PCDH15: variants seen among roughly 807,000 people sequenced by gnomAD.
PCDH15 encodes protocadherin related 15.
A neutral mutation model predicts 178.5 loss-of-function variants in PCDH15; 129 were observed. That is an observed-to-expected ratio of 0.72 (90% confidence interval 0.63 to 0.84). The LOEUF (loss-of-function observed/expected upper bound fraction) is 0.84, where lower values mean the gene tolerates loss of function less well. Among genes scored for constraint, PCDH15 ranks in the 40% least tolerant of loss-of-function variants. PCDH15 has a pLI of 0.00. For missense variants in PCDH15, 2,230 were observed against 2,099.9 expected, an observed-to-expected ratio of 1.06 and a Z score of -1.21; for synonymous variants, 800 against 732.0, an observed-to-expected ratio of 1.09 and a Z score of -1.50.
intron 1 of PCDH15, among the ~76,000 whole-genome samples, chr10:55,297,143 T>C (rs1375881573): frequency 6.6e-6 from 1 of 151,576 alleles, no homozygotes; most frequent in African/African-American, 2.4e-5. Context: ...AAAATAAGCA[T>C]TATAAATAAG....
intron 2 of PCDH15, among the ~76,000 whole-genome samples, chr10:54,567,783 T>A (rs1402917012): frequency 1.3e-5 from 2 of 152,150 alleles, no homozygotes; most frequent in Non-Finnish European, 2.9e-5. Flanking sequence ...TAGGTCAAGA[T>A]ATCCAAGTAA....
intron 1 of PCDH15, among the ~76,000 whole-genome samples, chr10:55,254,740 G>T (rs1249785933): frequency 6.6e-6 from 1 of 152,114 alleles, no homozygotes; most frequent in Non-Finnish European, 1.5e-5. Flanking sequence ...TCATAAATGG[G>T]GGAGGCTTTG....
At chr10:55,043,596 G>C (rs1243517454) in intron 2 of PCDH15, among the ~76,000 whole-genome samples, 2 of 151,810 alleles carry the variant, frequency 1.3e-5, no homozygotes, top group Non-Finnish European at 2.9e-5. Context: ...TGTAGTCCCA[G>C]CTACTCGGGA....
At chr10:54,149,286 G>T (rs992923004) in intron 14 of PCDH15, among the ~76,000 whole-genome samples, 1 of 151,960 alleles carries the variant, frequency 6.6e-6, no homozygotes, top group Non-Finnish European at 1.5e-5. Context: ...CTGTATTTTG[G>T]GGGCTTTCAA....
intron 13 of PCDH15, among the ~76,000 whole-genome samples, chr10:54,174,702 C>CTT (rs1169302544): frequency 0.16 from 13,259 of 83,518 alleles, 1,753 homozygotes; most frequent in African/African-American, 0.22. Context: ...TTTTTCTTTT[C>CTT]TTTTTTTTTT....
chr10:55,271,131 T>C (rs1303477694), intron 1 of PCDH15, among the ~76,000 whole-genome samples: 2 of 152,088 alleles, frequency 1.3e-5, no homozygotes, highest in South Asian at 2.1e-4. Context: ...TGGTCACTAA[T>C]AGAGAGGAAA....
At chr10:55,601,989 C>A (rs899734977) in intron 2 of PCDH15, among the ~76,000 whole-genome samples, 1 of 152,132 alleles carries the variant, frequency 6.6e-6, no homozygotes, top group African/African-American at 2.4e-5. Flanking sequence ...AGGTTCATCT[C>A]ACTAGGGAGT....
At chr10:55,422,960 C>T (rs1241187019) in intron 2 of PCDH15, among the ~76,000 whole-genome samples, 1 of 151,540 alleles carries the variant, frequency 6.6e-6, no homozygotes, top group African/African-American at 2.4e-5. Flanking sequence ...TCAAGAGACC[C>T]CTTACTCCAC....
chr10:55,064,596 A>C (rs1841517272), intron 2 of PCDH15, among the ~76,000 whole-genome samples: 1 of 151,686 alleles, frequency 6.6e-6, no homozygotes, highest in Admixed American at 6.6e-5. Flanking sequence ...TTTTTTTTTC[A>C]CTGAGGGGAT....
intron 8 of PCDH15, among the ~76,000 whole-genome samples, chr10:54,266,603 C>A (rs1275037623): frequency 6.6e-6 from 1 of 151,668 alleles, no homozygotes; most frequent in Non-Finnish European, 1.5e-5. Flanking sequence ...GCACAATCAG[C>A]AATAACAAAG....
intron 15 of PCDH15, among the ~76,000 whole-genome samples, chr10:54,130,431 C>A (rs367806739): frequency 6.6e-6 from 1 of 151,944 alleles, no homozygotes; most frequent in African/African-American, 2.4e-5. Flanking sequence ...CCGGTGAGAA[C>A]GCTGGAGGAA....
Position 53,806,848 on chromosome 10 carries a change from T to C in PCDH15, c.4954A>G (p.Asn1652Asp), listed in dbSNP as rs1229227868. ...GAAAATGGCCCCTTTGATAATGTGTTCAGAGGTACATTCTCCTCATGTGTC... is the reference window on the plus strand; with the variant it reads ...GAAAATGGCCCCTTTGATAATGTGTCCAGAGGTACATTCTCCTCATGTGTC... ...AVTHEENVPLNTLSKGPFSTE... is the reference protein window; with the variant it reads ...AVTHEENVPLDTLSKGPFSTE... Residue 1652 changes from asparagine to aspartate, a missense_variant, in exon 38 of 38, where the codon AAC (asparagine) becomes GAC (aspartate). By Grantham distance (23) the Asn-to-Asp change is conservative (BLOSUM62 1). Transcript: ENST00000644397. 6.2e-7 allele frequency: 1 copy of C among 1,613,908 alleles called. No homozygotes were observed. The highest frequency in any genetic ancestry group is 2.2e-5 in the East Asian group (1 of 44,870).
chr10:55,121,362 G>GA, intron 2 of PCDH15, among the ~76,000 whole-genome samples: 1 of 150,128 alleles, frequency 6.7e-6, no homozygotes, highest in East Asian at 2.0e-4. Context: ...CAGAGCTGGG[G>GA]GGGGGCAATT....
At chr10:55,453,174 C>T (rs1263499213) in intron 2 of PCDH15, among the ~76,000 whole-genome samples, 19 of 152,136 alleles carry the variant, frequency 1.2e-4, no homozygotes, top group Admixed American at 1.2e-3. Flanking sequence ...TAGCCCTGTG[C>T]TTTCAGTCTG....
chr10:53,930,726 CTTG>C (rs2084985112), intron 25 of PCDH15, among the ~76,000 whole-genome samples: 3 of 152,082 alleles, frequency 2.0e-5, no homozygotes, highest in Admixed American at 1.3e-4. Flanking sequence ...CTCCCCAGTT[CTTG>C]TTTTCTTACA....
At chr10:54,033,748 G>A (rs1257900114) in intron 18 of PCDH15, among the ~76,000 whole-genome samples, 1 of 151,954 alleles carries the variant, frequency 6.6e-6, no homozygotes, top group Non-Finnish European at 1.5e-5. Flanking sequence ...ACAAAGTATT[G>A]TGGTTTGTTT....
chr10:55,535,855 T>C (rs775463054), intron 2 of PCDH15, among the ~76,000 whole-genome samples: 1 of 152,026 alleles, frequency 6.6e-6, no homozygotes, highest in Non-Finnish European at 1.5e-5. Flanking sequence ...ATGTTAACTG[T>C]CATCTTTGAA....
chr10:54,368,994 T>A lies in PCDH15; in HGVS notation c.474+126A>T. On this transcript the variant is annotated intron_variant, in intron 5 of 37. Transcript: ENST00000644397. Reference sequence around the variant, plus strand: ...CTTCTTCTGAGTACTATTTTTTTAATGTTTTCTTGATATTTCTAAACAGTT... The same window carrying A: ...CTTCTTCTGAGTACTATTTTTTTAAAGTTTTCTTGATATTTCTAAACAGTT... 3.8e-6 allele frequency: 4 copies of A among 1,057,942 alleles called. No homozygotes were observed. In the South Asian group the frequency reaches 4.3e-5, roughly 11 times the overall value. 65.5% of individuals were successfully genotyped at this position (1,057,942 alleles called of 1,614,324 possible).
intron 2 of PCDH15, among the ~76,000 whole-genome samples, chr10:54,660,321 G>A (rs751944484): frequency 7.9e-5 from 12 of 152,104 alleles, no homozygotes; most frequent in Admixed American, 2.6e-4. Flanking sequence ...GAGTAATCAT[G>A]GTAGACTATG....
Sources: allele counts gnomAD v4.1 joint callset (sites outside exome capture counted in the v4.1 genomes callset), GRCh38; gene constraint gnomAD v4.1.1; transcripts MANE v1.5; gene names NCBI Gene and HGNC (gene_info 2026-07-23, HGNC 2026-07-21).